RGS3: variants seen among roughly 807,000 people sequenced by gnomAD.
RGS3 encodes regulator of G protein signaling 3.
In RGS3, 80 loss-of-function variants were observed where a neutral mutation model predicts 132.6. The ratio of observed to expected loss-of-function variants is 0.60; its 90% CI spans 0.50 to 0.73. The LOEUF (loss-of-function observed/expected upper bound fraction) is 0.73, where lower values mean the gene tolerates loss of function less well. Ranked by LOEUF, RGS3 falls within the 30% of genes least tolerant of loss-of-function variation. RGS3 has a pLI of 0.00. For synonymous variants in RGS3, 598 were observed against 620.6 expected, an observed-to-expected ratio of 0.96 and a Z score of 0.54; for missense variants, 1,382 against 1,530.8, an observed-to-expected ratio of 0.90 and a Z score of 1.62.
chr9:113,543,965 C>T (rs1678558667), intron 19 of RGS3, among the ~76,000 whole-genome samples: 1 of 152,136 alleles, frequency 6.6e-6, no homozygotes, highest in Non-Finnish European at 1.5e-5. Context: ...TCCACAGGCT[C>T]GAGAAGATGA....
intron 19 of RGS3, among the ~76,000 whole-genome samples, chr9:113,559,270 G>C (rs147790178): frequency 6.6e-6 from 1 of 152,244 alleles, no homozygotes; most frequent in Non-Finnish European, 1.5e-5. Flanking sequence ...ACAGTGGGTC[G>C]AGGATTGCTC....
At chr9:113,489,928 C>T (rs1038905306) in intron 7 of RGS3, among the ~76,000 whole-genome samples, 4 of 152,130 alleles carry the variant, frequency 2.6e-5, no homozygotes, top group African/African-American at 4.8e-5. Context: ...CTAATTCTCA[C>T]GATCCTTCCA....
chr9:113,472,935 G>A (rs1829879566), intron 3 of RGS3, among the ~76,000 whole-genome samples: 2 of 152,118 alleles, frequency 1.3e-5, no homozygotes, highest in Non-Finnish European at 2.9e-5. Context: ...CAGCTACTCA[G>A]GAGGCTGAGA....
At chr9:113,595,907 A>G in intron 24 of RGS3, 142 bp downstream of exon 22, 1 of 888,508 alleles carries the variant, frequency 1.1e-6, no homozygotes. Context: ...GGAAGATGCA[A>G]GCTAGGATCA....
At chr9:113,480,225 G>A (rs548241244) in intron 4 of RGS3, among the ~76,000 whole-genome samples, 159 of 152,208 alleles carry the variant, frequency 1.0e-3, no homozygotes, top group African/African-American at 3.5e-3. Flanking sequence ...TTGGGAGGCC[G>A]AGGCGGGCAG....
At chr9:113,583,399 A>T in intron 19 of RGS3, 51 bp from the exon 18 acceptor site, 3 of 1,592,604 alleles carry the variant, frequency 1.9e-6, no homozygotes, top group Non-Finnish European at 2.6e-6. Flanking sequence ...GGTGTCTGGC[A>T]TCTTGGAGCC....
chr9:113,591,021 C>T lies in RGS3; in HGVS notation c.3016-312C>T, dbSNP rs865803433. 3.9e-5 allele frequency among the ~76,000 whole-genome samples: 6 copies of T among 152,248 alleles called. No individual in the cohort carries two copies. In the South Asian group the frequency reaches 6.2e-4, roughly 16 times the overall value. On this transcript the variant is annotated intron_variant, in intron 20 of 24. Coordinates refer to ENST00000350696, the Ensembl canonical transcript of RGS3. The surrounding 1 kb of genome is among the most constrained non-coding windows in gnomAD (Gnocchi z 4.4). ...CTAGTGACACAGCAGAAGCCCTGCC[C>T]TCTCACCTGCTCACTGCCTGCAATG... is the stretch of plus-strand genomic sequence containing the variant.
rs372045272 is a variant in RGS3, at chr9:113,591,312, G to A, written c.3016-21G>A. ...AGTTCCTGGGTGCCCAGACTGCATC[G>A]TGTCTGTCTTCTCTCCGCAGATGAG... On this transcript the variant is annotated intron_variant, in intron 20 of 24. Transcript: ENST00000350696. The surrounding 1 kb of genome is among the most constrained non-coding windows in gnomAD (Gnocchi z 4.4). 79 of 1,611,392 alleles carry A rather than the reference G, an allele frequency of 4.9e-5. No homozygotes were observed. The highest frequency in any genetic ancestry group is 1.8e-4 in the Admixed American group (11 of 59,966).
intron 7 of RGS3, among the ~76,000 whole-genome samples, chr9:113,488,751 A>G (rs1161770711): frequency 1.3e-5 from 2 of 152,240 alleles, no homozygotes; most frequent in African/African-American, 4.8e-5. Context: ...CCCGAAGCTC[A>G]GGAGGATCAG....
At chr9:113,583,302 G>GCTT in intron 19 of RGS3, 148 bp from the exon 18 acceptor site, 1 of 1,388,258 alleles carries the variant, frequency 7.2e-7, no homozygotes, top group South Asian at 1.5e-5. Context: ...AGTCAAAGGG[G>GCTT]CTTTGGGGGT....
At chr9:113,515,442 T>A (rs1029542573) in intron 15 of RGS3, among the ~76,000 whole-genome samples, 1 of 151,916 alleles carries the variant, frequency 6.6e-6, no homozygotes, top group Non-Finnish European at 1.5e-5. Context: ...ACCAGCCTGG[T>A]CAAGATAAAA....
intron 19 of RGS3, among the ~76,000 whole-genome samples, chr9:113,562,014 A>G (rs892073677): frequency 6.6e-6 from 1 of 152,172 alleles, no homozygotes; most frequent in African/African-American, 2.4e-5. Context: ...TGGGCTGTAC[A>G]GTTCTCTGTG....
chr9:113,578,771 G>A (rs1834651303), intron 19 of RGS3, among the ~76,000 whole-genome samples: 1 of 152,188 alleles, frequency 6.6e-6, no homozygotes, highest in African/African-American at 2.4e-5. Context: ...AAGCCTGGGG[G>A]TCCAAGGCAG....
chr9:113,508,083 G>A lies in RGS3; in HGVS notation c.1437+445G>A, dbSNP rs538118625. Among the ~76,000 whole-genome samples the A allele has an allele frequency of 3.3e-5, 5 of 152,294 alleles. No individual in the cohort carries two copies. The East Asian group carries it at 7.7e-4, about 24-fold the overall frequency. On this transcript the variant is annotated intron_variant, in intron 13 of 24. Coordinates refer to ENST00000350696, the Ensembl canonical transcript of RGS3. Reference sequence around the variant, plus strand: ...GTGTTCTGAGGTCAAATAAGCTTGCGACATATCCCATACCCTCTTCCTCAT... The same window carrying A: ...GTGTTCTGAGGTCAAATAAGCTTGCAACATATCCCATACCCTCTTCCTCAT...
exon 9 of RGS3, chr9:113,497,396 C>A: frequency 6.2e-7 from 1 of 1,613,152 alleles, no homozygotes; most frequent in South Asian, 1.1e-5. Context: ...CGACTGCGGC[C>A]GCTGAGAGGT....
chr9:113,481,025 C>T (rs1830142979), intron 4 of RGS3, among the ~76,000 whole-genome samples: 1 of 152,226 alleles, frequency 6.6e-6, no homozygotes, highest in Admixed American at 6.5e-5. Flanking sequence ...TGCCTTTGCA[C>T]CTGCTGTTCA....
rs200825445 is a variant in RGS3, at chr9:113,483,039, A to G, written c.467-20A>G. 5.9e-5 allele frequency: 95 copies of G among 1,613,808 alleles called. No individual in the cohort carries two copies. Among genetic ancestry groups the G allele is most frequent in the Non-Finnish European group, 4.2e-5 (50 of 1,179,916 alleles). On this transcript the variant is annotated intron_variant, in intron 4 of 24. Transcript: ENST00000350696. ...TGTATGTTTCCATTCATCCACCCCA[A>G]TGTCTGAATTCTCTTTTAGTTATAG...
intron 1 of RGS3, among the ~76,000 whole-genome samples, chr9:113,461,093 T>C (rs936956396): frequency 1.3e-5 from 2 of 152,114 alleles, no homozygotes; most frequent in Non-Finnish European, 2.9e-5. Context: ...ATGTAGTGTG[T>C]TTATGTATGT....
At chr9:113,500,013 T>C (rs1830818132) in intron 10 of RGS3, among the ~76,000 whole-genome samples, 2 of 152,252 alleles carry the variant, frequency 1.3e-5, no homozygotes, top group Non-Finnish European at 2.9e-5. Context: ...GCCTCCCTCG[T>C]GATTCATGGA....
Sources: allele counts gnomAD v4.1 joint callset (sites outside exome capture counted in the v4.1 genomes callset), GRCh38; gene constraint gnomAD v4.1.1; non-coding constraint Gnocchi (gnomAD v3.1); transcripts MANE v1.5; gene names NCBI Gene and HGNC (gene_info 2026-07-23, HGNC 2026-07-21).